EFHC1: variants seen among roughly 807,000 people sequenced by gnomAD.
EFHC1 encodes the protein EF-hand domain-containing protein 1.
A neutral mutation model predicts 69.9 loss-of-function variants in EFHC1; 53 were observed. That is an observed-to-expected ratio of 0.76 (90% CI 0.61 to 0.95). EFHC1 has a LOEUF of 0.95. Ranked by LOEUF, EFHC1 falls within the 40% of genes least tolerant of loss-of-function variation. The pLI is 0.00. For missense variants in EFHC1, 739 were observed against 798.7 expected (o/e 0.93, Z 0.90); for synonymous variants, 256 against 278.4 (o/e 0.92, Z 0.80).
rs1236543293 is a variant in EFHC1 at position 52,496,510 on chromosome 6, T to C, written c.*4169T>C. 6.6e-6 allele frequency: 1 copy of C among 152,196 alleles called. No individual in the cohort carries two copies. Among genetic ancestry groups the C allele is most frequent in the African/African-American group, 2.4e-5 (1 of 41,442 alleles). 9.4% of individuals were successfully genotyped at this position (152,196 alleles called of 1,614,324 possible). A position where few individuals can be genotyped will look rare whatever the true frequency, so the allele number is the denominator to read the frequency against. Reference sequence around the variant, plus strand: ...GACACATAGGTAGAGAAGACGTCTCTAAATGTTGTCCAGAGAATCCACTTG... The same window carrying C: ...GACACATAGGTAGAGAAGACGTCTCCAAATGTTGTCCAGAGAATCCACTTG... On this transcript the variant is annotated 3_prime_UTR_variant, in exon 11 of 11. Transcript: ENST00000371068.
intron 2 of EFHC1, among the ~76,000 whole-genome samples, chr6:52,436,830 C>T (rs770221613): frequency 2.6e-5 from 4 of 151,920 alleles, no homozygotes; most frequent in South Asian, 2.1e-4. Context: ...TTAGTACAGA[C>T]GGGGTTTCAC....
chr6:52,464,733 C>T (rs1765257878), intron 5 of EFHC1, among the ~76,000 whole-genome samples, 162 bp from the exon 6 acceptor site: 1 of 152,194 alleles, frequency 6.6e-6, no homozygotes, highest in South Asian at 2.1e-4. Context: ...TGGAAATACA[C>T]AGCCAAGTGT....
chr6:52,463,054 G>A (rs909622491), intron 5 of EFHC1, among the ~76,000 whole-genome samples: 5 of 151,914 alleles, frequency 3.3e-5, no homozygotes, highest in South Asian at 4.1e-4. Context: ...TTGAGACGGA[G>A]TCTCTCTCTG....
In EFHC1 at chr6:52,493,624, C is replaced by T. The variant is rs894851645; in HGVS notation, c.*1283C>T. ...CCAAGACCACGCCACTGCACTCCAT[C>T]CAGCCTGGGTGACAGAGCAAGACTC... On this transcript the variant is annotated 3_prime_UTR_variant, in exon 11 of 11. Coordinates refer to ENST00000371068, the MANE Select transcript of EFHC1 (RefSeq NM_018100.4). 2.2e-6 allele frequency: 1 copy of T among 452,696 alleles called. No individual in the cohort carries two copies. The highest frequency in any genetic ancestry group is 1.6e-5 in the South Asian group (1 of 64,388). 28.0% of individuals were successfully genotyped at this position (452,696 alleles called of 1,614,324 possible).
At chr6:52,434,900 T>TAC (rs1490546412) in intron 2 of EFHC1, among the ~76,000 whole-genome samples, 2 of 150,348 alleles carry the variant, frequency 1.3e-5, no homozygotes, top group Non-Finnish European at 2.9e-5. Flanking sequence ...TATATATATA[T>TAC]ATACATACAC....
At position 52,420,464 on chromosome 6, in the gene EFHC1, G is replaced by A; in HGVS notation, c.54G>A (p.Lys18=). ...GLPFLPGTSF[K]DSTKTAFHRS... Reference sequence around the variant, plus strand: ...CCTTTCTTCCGGGCACGTCCTTTAAGGACTCTACGGTGAGCAGTTATCTGC... The same window carrying A: ...CCTTTCTTCCGGGCACGTCCTTTAAAGACTCTACGGTGAGCAGTTATCTGC... The change falls in exon 1 of 11, where the codon AAG becomes AAA. Residue 18 remains lysine (K), a synonymous_variant. Transcript: ENST00000371068. The A allele has an allele frequency of 6.2e-7, 1 of 1,614,160 alleles. No homozygotes were observed. The highest frequency in any genetic ancestry group is 8.5e-7 in the Non-Finnish European group (1 of 1,180,028).
chr6:52,453,664 AGATATGTGTT>A (rs777655212), intron 4 of EFHC1: 2 of 1,257,972 alleles, frequency 1.6e-6, no homozygotes, highest in South Asian at 2.7e-5. Context: ...TATTGCTAGA[AGATATGTGTT>A]GATGGGACCA....
intron 6 of EFHC1, among the ~76,000 whole-genome samples, chr6:52,467,208 G>A (rs557879376): frequency 6.7e-6 from 1 of 149,370 alleles, no homozygotes; most frequent in African/African-American, 2.5e-5. Flanking sequence ...TTAAGACAGG[G>A]TCTTGCTCTG....
chr6:52,443,635 C>G (rs1178642266), intron 3 of EFHC1, among the ~76,000 whole-genome samples: 8 of 152,118 alleles, frequency 5.3e-5, no homozygotes, highest in African/African-American at 1.9e-4. Flanking sequence ...CTGTTCTGTT[C>G]CATTGGTCTA....
intron 5 of EFHC1, among the ~76,000 whole-genome samples, chr6:52,454,760 A>G (rs1765002215): frequency 6.6e-6 from 1 of 152,144 alleles, no homozygotes; most frequent in African/African-American, 2.4e-5. Context: ...GGTGAGGTCC[A>G]TTGTGTCAAA....
At chr6:52,475,558 C>T (rs113293897) in intron 7 of EFHC1, among the ~76,000 whole-genome samples, 1 of 152,104 alleles carries the variant, frequency 6.6e-6, no homozygotes, top group Non-Finnish European at 1.5e-5. Context: ...GAATGTCTTC[C>T]AAGAGATACG....
At position 52,453,131 on chromosome 6, in the gene EFHC1, G is replaced by A. The variant is rs150292573; in HGVS notation, c.723+294G>A. 2.0e-4 allele frequency: 277 copies of A among 1,393,550 alleles called. 2 individuals are homozygous for A. The highest frequency in any genetic ancestry group is 1.7e-3 in the African/African-American group (118 of 69,896). The allele number at this position is 1,393,550 out of a possible 1,614,324, so 86.3% of individuals were successfully genotyped here. ...GAGCTACATCTGCTTCCCACCTTACGTTTCCAATTGACAATTTCTTTCCCT... is the reference window on the plus strand; with the variant it reads ...GAGCTACATCTGCTTCCCACCTTACATTTCCAATTGACAATTTCTTTCCCT... On this transcript the variant is annotated intron_variant, in intron 4 of 10. Transcript: ENST00000371068.
rs768684304 is a variant in EFHC1, at chr6:52,479,693, A to G, written c.1546A>G (p.Met516Val). The change falls in exon 9 of 11, where the codon ATG becomes GTG. Residue 516 changes from methionine (M) to valine (V), a missense_variant. By Grantham distance (21) the Met-to-Val change is conservative. Coordinates refer to ENST00000371068, the MANE Select transcript of EFHC1 (RefSeq NM_018100.4). ...LDTDEYVLKY[M>V]ESNAAQYSPE... ...TACAGACGAGTATGTTTTGAAATACATGGAGAGCAACGCTGCCCAGTATTC... is the reference window on the plus strand; with the variant it reads ...TACAGACGAGTATGTTTTGAAATACGTGGAGAGCAACGCTGCCCAGTATTC... The G allele has an allele frequency of 6.2e-7, 1 of 1,614,100 alleles. No individual in the cohort carries two copies. Among genetic ancestry groups the G allele is most frequent in the African/African-American group, 1.3e-5 (1 of 74,934 alleles).
chr6:52,467,261 A>G (rs950504551), intron 6 of EFHC1, among the ~76,000 whole-genome samples: 6 of 150,682 alleles, frequency 4.0e-5, no homozygotes, highest in African/African-American at 1.5e-4. Flanking sequence ...GGCTCACTGC[A>G]ACGTCCACCT....
At chr6:52,490,519 T>A in intron 10 of EFHC1, 169 bp downstream of exon 10, 1 of 646,060 alleles carries the variant, frequency 1.5e-6, no homozygotes, top group Non-Finnish European at 2.7e-6. Flanking sequence ...CTAGCATTGG[T>A]ATTCTTTTCT....
intron 5 of EFHC1, among the ~76,000 whole-genome samples, chr6:52,462,913 A>G (rs1041719698): frequency 6.6e-6 from 1 of 151,790 alleles, no homozygotes; most frequent in Admixed American, 6.6e-5. Context: ...CATTCTTTAA[A>G]GTGCCATAGC....
chr6:52,457,435 T>G (rs1158281583), intron 5 of EFHC1, among the ~76,000 whole-genome samples: 1 of 152,160 alleles, frequency 6.6e-6, no homozygotes, highest in Admixed American at 6.5e-5. Context: ...TATGGCATGT[T>G]TGGGGGCGCC....
At position 52,494,496 on chromosome 6, in the gene EFHC1, C is replaced by T. The variant is rs1165281441; in HGVS notation, c.*2155C>T. 1 of 454,136 alleles carries T rather than the reference C, an allele frequency of 2.2e-6. No individual in the cohort carries two copies. The highest frequency in any genetic ancestry group is 1.6e-5 in the South Asian group (1 of 64,480). 28.1% of individuals were successfully genotyped at this position (454,136 alleles called of 1,614,324 possible). A position where few individuals can be genotyped will look rare whatever the true frequency, so the allele number is the denominator to read the frequency against. On this transcript the variant is annotated 3_prime_UTR_variant, in exon 11 of 11. Transcript: ENST00000371068. ...AGAAACCAGAGAAAAAGGGCAAAGT[C>T]TTATTTCTGTGGCTAGTAATGTCGT...
chr6:52,463,737 A>G (rs1346860713), intron 5 of EFHC1, among the ~76,000 whole-genome samples: 1 of 152,238 alleles, frequency 6.6e-6, no homozygotes, highest in African/African-American at 2.4e-5. Context: ...CTCCTGGAAT[A>G]TTGTATACTA....
Sources: allele counts gnomAD v4.1 joint callset (sites outside exome capture counted in the v4.1 genomes callset), GRCh38; gene constraint gnomAD v4.1.1; transcripts MANE v1.5; gene names NCBI Gene and HGNC (gene_info 2026-07-23, HGNC 2026-07-21).